The following DICER1 variants were observed in gnomAD, a reference collection of about 807,000 sequenced individuals.
DICER1 encodes the protein dicer 1, ribonuclease III, also known as endoribonuclease Dicer.
In DICER1, 43 loss-of-function variants were observed where a neutral mutation model predicts 194.1. The ratio of observed to expected loss-of-function variants is 0.22; its 90% CI spans 0.17 to 0.29. The LOEUF (loss-of-function observed/expected upper bound fraction) is 0.29. DICER1 is among the 10% of genes least tolerant of loss of function. The pLI, the probability that DICER1 is intolerant of heterozygous loss-of-function variation, is 1.00. For synonymous variants in DICER1, 832 were observed against 820.5 expected (o/e 1.01, Z -0.24); for missense variants, 1,608 against 2,317.0 (o/e 0.69, Z 6.28).
Position 95,104,023 on chromosome 14 carries a change from T to C in DICER1, c.3373A>G (p.Ser1125Gly). ...SAENDNYCKH[S>G]TIVPENAAHQ... is the part of the protein sequence containing the mutation. Reference sequence around the variant, plus strand: ...GCAGCATTTTCAGGGACAATTGTGCTGTGCTTACAGTAATTATCATTTTCA... The same window carrying C: ...GCAGCATTTTCAGGGACAATTGTGCCGTGCTTACAGTAATTATCATTTTCA... The change falls in exon 21 of 27, where the codon AGC (serine) becomes GGC (glycine). Residue 1125 changes from serine to glycine, a missense_variant. This residue lies in a region of DICER1 where 222 missense variants were observed against 215.5 expected (regional missense o/e 1.03). Coordinates refer to ENST00000343455, the MANE Select transcript of DICER1 (RefSeq NM_177438.3). 6.2e-7 allele frequency: 1 copy of C among 1,614,186 alleles called. No individual in the cohort carries two copies. Among genetic ancestry groups the C allele is most frequent in the African/African-American group, 1.3e-5 (1 of 75,054 alleles).
chr14:95,094,185 C>A (rs2139817404), intron 23 of DICER1, 29 bp from the exon 24 acceptor site: 1 of 1,613,384 alleles, frequency 6.2e-7, no homozygotes, highest in Admixed American at 1.7e-5. Context: ...GAACCGTAAG[C>A]TTGTGCAGAA....
In DICER1 at chr14:95,117,475, C is replaced by T. The variant is rs548962436; in HGVS notation, c.1509+147G>A. 11 of 837,020 alleles carry T rather than the reference C, an allele frequency of 1.3e-5. No individual in the cohort carries two copies. The African/African-American group carries it at 1.5e-4, about 12-fold the overall frequency. 51.8% of individuals were successfully genotyped at this position (837,020 alleles called of 1,614,324 possible). On this transcript the variant is annotated intron_variant, in intron 9 of 26. Coordinates refer to ENST00000343455, the MANE Select transcript of DICER1 (RefSeq NM_177438.3). Reference sequence around the variant, plus strand: ...TCACTCTACAGCTACCTCATGGGGACAGCTGGTCTAATATATGAAGAAGTA... The same window carrying T: ...TCACTCTACAGCTACCTCATGGGGATAGCTGGTCTAATATATGAAGAAGTA...
intron 14 of DICER1, among the ~76,000 whole-genome samples, chr14:95,109,007 C>T (rs1460697803): frequency 6.6e-6 from 1 of 152,110 alleles, no homozygotes; most frequent in Non-Finnish European, 1.5e-5. Context: ...TACATAGAAA[C>T]ATATATACAT....
At chr14:95,091,960 C>T (rs1274250708) in intron 24 of DICER1, among the ~76,000 whole-genome samples, 1 of 152,154 alleles carries the variant, frequency 6.6e-6, no homozygotes, top group Non-Finnish European at 1.5e-5. Context: ...AATCATGCAT[C>T]AAAAGCCTTT....
intron 15 of DICER1, 92 bp from the exon 16 acceptor site, chr14:95,108,185 T>G (rs898819283): frequency 2.3e-6 from 3 of 1,309,590 alleles, no homozygotes; most frequent in Non-Finnish European, 1.1e-6. Flanking sequence ...TGCTTTCTAG[T>G]GGAGAAATAG....
intron 1 of DICER1, among the ~76,000 whole-genome samples, chr14:95,141,375 T>C (rs1435782427): frequency 6.6e-6 from 1 of 152,214 alleles, no homozygotes; most frequent in Non-Finnish European, 1.5e-5. Context: ...TAAAAGAGAT[T>C]ATAAATCAAA....
At chr14:95,099,664 C>T in intron 22 of DICER1, 116 bp downstream of exon 22, 4 of 1,353,112 alleles carry the variant, frequency 3.0e-6, no homozygotes, top group Non-Finnish European at 2.9e-6. Context: ...ATAAACATAC[C>T]AAGAAAATGA....
intron 1 of DICER1, among the ~76,000 whole-genome samples, chr14:95,135,616 T>A (rs1476383488): frequency 1.3e-5 from 2 of 152,202 alleles, no homozygotes; most frequent in Non-Finnish European, 2.9e-5. Flanking sequence ...TATGAAAATG[T>A]TCCAGATTAA....
intron 1 of DICER1, among the ~76,000 whole-genome samples, chr14:95,135,570 T>C (rs1461542283): frequency 1.3e-5 from 2 of 152,186 alleles, no homozygotes; most frequent in Non-Finnish European, 2.9e-5. Flanking sequence ...AGGGTATTCT[T>C]CAAAAATGTC....
At chr14:95,137,069 GAAAGGAAAA>G (rs1418391180) in intron 1 of DICER1, among the ~76,000 whole-genome samples, 6 of 150,012 alleles carry the variant, frequency 4.0e-5, no homozygotes, top group Non-Finnish European at 5.9e-5. Context: ...GAACAGAAAG[GAAAGGAAAA>G]AAAGGAAAGA....
chr14:95,092,108 T>C (rs748453059), intron 24 of DICER1, among the ~76,000 whole-genome samples: 34 of 152,190 alleles, frequency 2.2e-4, no homozygotes, highest in Non-Finnish European at 4.6e-4. Flanking sequence ...TACTCGGCCA[T>C]AAAGAAGCGT....
intron 1 of DICER1, among the ~76,000 whole-genome samples, chr14:95,152,659 T>C (rs1487524054): frequency 6.6e-6 from 1 of 152,248 alleles, no homozygotes; most frequent in African/African-American, 2.4e-5. Context: ...AGAGAATGTT[T>C]TGTAGCATCT....
intron 10 of DICER1, among the ~76,000 whole-genome samples, chr14:95,116,058 G>GACACACACACACACACAC (rs150390018): frequency 1.4e-5 from 2 of 142,952 alleles, no homozygotes; most frequent in Admixed American, 1.4e-4. Context: ...TGCCTACACA[G>GACACACACACACACACAC]ACACACACAC....
Position 95,131,471 on chromosome 14 carries a change from T to C in DICER1, c.438+38A>G, listed in dbSNP as rs753345225. On this transcript the variant is annotated intron_variant, in intron 4 of 26. Transcript: ENST00000343455. ...TCTTACAAACCAAGTCAAGAACTTG[T>C]AGGGATTTATAAAGTGAAATTTCTC... 18 of 1,596,582 alleles carry C rather than the reference T, an allele frequency of 1.1e-5. No homozygotes were observed. In the South Asian group the frequency reaches 1.2e-4, roughly 11 times the overall value.
chr14:95,147,336 T>C (rs1255419203), intron 1 of DICER1, among the ~76,000 whole-genome samples: 1 of 152,120 alleles, frequency 6.6e-6, no homozygotes, highest in African/African-American at 2.4e-5. Context: ...TGTGGTGGCA[T>C]GTGCCTGTAG....
At position 95,103,382 on chromosome 14, in the gene DICER1, C is replaced by G; in HGVS notation, c.4014G>C (p.Ala1338=). The part of the protein sequence containing the change: ...TTYLFCTYPD[A]HEGRLSYMRS... ...TCATATATGAAAGGCGGCCCTCATG[C>G]GCATCAGGGTAAGTGCAAAATAGAT... Residue 1338 remains alanine (A), a synonymous_variant, in exon 21 of 27, where the codon GCG becomes GCC. Coordinates refer to ENST00000343455, the MANE Select transcript of DICER1 (RefSeq NM_177438.3). 1 of 1,614,182 alleles carries G rather than the reference C, an allele frequency of 6.2e-7. No individual in the cohort carries two copies. The highest frequency in any genetic ancestry group is 8.5e-7 in the Non-Finnish European group (1 of 1,180,030).
At chr14:95,152,216 G>A (rs779866356) in intron 1 of DICER1, among the ~76,000 whole-genome samples, 5 of 152,274 alleles carry the variant, frequency 3.3e-5, no homozygotes, top group Non-Finnish European at 5.9e-5. Context: ...CAATTTTGAC[G>A]GCGATTTTCT....
At position 95,113,304 on chromosome 14, in the gene DICER1, A is replaced by G; in HGVS notation, c.1908-80T>C. Reference sequence around the variant, plus strand: ...TTTATAACCTCGAGTTTGATTTGTCATGTGCCTCTTCCCCTCTACTGAATT... The same window carrying G: ...TTTATAACCTCGAGTTTGATTTGTCGTGTGCCTCTTCCCCTCTACTGAATT... On this transcript the variant is annotated intron_variant, in intron 11 of 26. Transcript: ENST00000343455. 3.7e-6 allele frequency: 5 copies of G among 1,363,006 alleles called. No homozygotes were observed. The South Asian group carries it at 5.9e-5, about 16-fold the overall frequency. The allele number at this position is 1,363,006 out of a possible 1,614,324, so 84.4% of individuals were successfully genotyped here. A position where few individuals can be genotyped will look rare whatever the true frequency, so the allele number is the denominator to read the frequency against.
intron 1 of DICER1, 122 bp downstream of exon 1, chr14:95,157,108 G>A (rs1273135637): frequency 6.6e-6 from 1 of 150,500 alleles, no homozygotes; most frequent in Admixed American, 6.6e-5. Context: ...GCGCCCGCCA[G>A]GCCCGGACGC....
Sources: allele counts gnomAD v4.1 joint callset (sites outside exome capture counted in the v4.1 genomes callset), GRCh38; gene constraint gnomAD v4.1.1; regional missense constraint gnomAD v4.1.1; transcripts MANE v1.5; gene names NCBI Gene and HGNC (gene_info 2026-07-23, HGNC 2026-07-21).